DNM3: variants seen among roughly 807,000 people sequenced by gnomAD.
DNM3 encodes the protein dynamin 3.
A neutral mutation model predicts 101.6 loss-of-function variants in DNM3; 47 were observed. The ratio of observed to expected loss-of-function variants is 0.46; its 90% CI spans 0.37 to 0.59. The LOEUF (loss-of-function observed/expected upper bound fraction) is 0.59. Ranked by LOEUF, DNM3 falls within the 20% of genes least tolerant of loss-of-function variation. DNM3 has a pLI of 0.00. For synonymous variants in DNM3, 385 were observed against 387.9 expected, an observed-to-expected ratio of 0.99 and a Z score of 0.09; for missense variants, 849 against 1,085.7, an observed-to-expected ratio of 0.78 and a Z score of 3.06.
chr1:172,052,039 C>G (rs1458884515), intron 10 of DNM3, among the ~76,000 whole-genome samples: 1 of 152,158 alleles, frequency 6.6e-6, no homozygotes, highest in Non-Finnish European at 1.5e-5. Flanking sequence ...TTAGCAGCCT[C>G]CTGTGTTCTC....
chr1:172,059,125 C>G (rs1050454920), intron 10 of DNM3, among the ~76,000 whole-genome samples: 2 of 151,448 alleles, frequency 1.3e-5, no homozygotes, highest in Non-Finnish European at 3.0e-5. Flanking sequence ...GACACATACA[C>G]TCTCCCAAGA....
exon 21 of DNM3, chr1:172,418,436 T>C: frequency 3.7e-6 from 3 of 820,110 alleles, no homozygotes; most frequent in Non-Finnish European, 4.8e-6. Context: ...TCCATGTGTA[T>C]AATAAAAACA....
At chr1:171,877,911 TGTAA>T (rs527664421) in intron 1 of DNM3, among the ~76,000 whole-genome samples, 215 of 152,304 alleles carry the variant, frequency 1.4e-3, no homozygotes, top group African/African-American at 5.0e-3. Context: ...ATGAACAGGC[TGTAA>T]GTGAGAGTGG....
intron 15 of DNM3, among the ~76,000 whole-genome samples, chr1:172,287,173 C>T (rs1326676754): frequency 1.3e-5 from 2 of 152,172 alleles, no homozygotes; most frequent in African/African-American, 4.8e-5. Context: ...CTCATCACTC[C>T]CGCATTTTCT....
At chr1:172,309,106 A>G (rs1044352335) in intron 16 of DNM3, 2 of 357,844 alleles carry the variant, frequency 5.6e-6, no homozygotes, top group Non-Finnish European at 5.0e-6. Flanking sequence ...TCAGCTCAAG[A>G]CAAAGTTTGT....
chr1:172,074,244 G>A (rs1188002739), intron 11 of DNM3, among the ~76,000 whole-genome samples: 1 of 152,144 alleles, frequency 6.6e-6, no homozygotes, highest in Non-Finnish European at 1.5e-5. Flanking sequence ...CAGAGTGCTA[G>A]TTTAAATAGA....
At chr1:172,341,135 A>G (rs1387492703) in intron 17 of DNM3, among the ~76,000 whole-genome samples, 3 of 152,194 alleles carry the variant, frequency 2.0e-5, no homozygotes, top group Non-Finnish European at 4.4e-5. Flanking sequence ...TCCCATTCAC[A>G]GCTGCCACAA....
intron 14 of DNM3, among the ~76,000 whole-genome samples, chr1:172,190,787 T>C (rs1572887842): frequency 6.6e-6 from 1 of 152,218 alleles, no homozygotes; most frequent in African/African-American, 2.4e-5. Context: ...CATTTTTTCA[T>C]GTGTCTGTTG....
At chr1:172,011,720 G>T (rs541592053) in intron 4 of DNM3, among the ~76,000 whole-genome samples, 32 of 152,094 alleles carry the variant, frequency 2.1e-4, no homozygotes, top group Middle Eastern at 3.4e-3. Context: ...AGCCTTTTCA[G>T]TCTCTTCTTC....
intron 4 of DNM3, among the ~76,000 whole-genome samples, chr1:172,028,043 T>C (rs2048336614): frequency 6.6e-6 from 1 of 152,174 alleles, no homozygotes; most frequent in South Asian, 2.1e-4. Context: ...TATTCAAGAC[T>C]TGAATTCAGC....
At chr1:171,870,335 A>G (rs754217654) in intron 1 of DNM3, among the ~76,000 whole-genome samples, 2 of 152,178 alleles carry the variant, frequency 1.3e-5, no homozygotes, top group South Asian at 4.1e-4. Flanking sequence ...GACCAATTAC[A>G]GACTAATGCA....
intron 14 of DNM3, among the ~76,000 whole-genome samples, chr1:172,141,486 G>A (rs1272631138): frequency 2.0e-5 from 3 of 152,098 alleles, no homozygotes; most frequent in South Asian, 2.1e-4. Flanking sequence ...ATCCCTTACA[G>A]AGTAAGTGAA....
chr1:172,277,239 C>A (rs2254703), intron 15 of DNM3, among the ~76,000 whole-genome samples: 9,268 of 152,090 alleles, frequency 0.061, 357 homozygotes, highest in African/African-American at 0.099. Flanking sequence ...AGGACTCTAA[C>A]CAGCCTTAAC....
chr1:172,132,869 G>T, intron 14 of DNM3: 1 of 819,934 alleles, frequency 1.2e-6, no homozygotes, highest in Non-Finnish European at 2.1e-6. Context: ...TTTTCTACAG[G>T]ACTATTTTCC....
intron 16 of DNM3, among the ~76,000 whole-genome samples, chr1:172,318,673 C>G (rs2065525488): frequency 6.6e-6 from 1 of 152,138 alleles, no homozygotes; most frequent in African/African-American, 2.4e-5. Flanking sequence ...AGGAATCCAG[C>G]TTACAAGGGA....
chr1:172,191,131 G>A (rs1346083908), intron 14 of DNM3, among the ~76,000 whole-genome samples: 1 of 151,942 alleles, frequency 6.6e-6, no homozygotes, highest in African/African-American at 2.4e-5. Flanking sequence ...GTTTTTTTCT[G>A]GGGTTTTTAT....
At chr1:171,909,382 G>A (rs2421949) in intron 1 of DNM3, among the ~76,000 whole-genome samples, 17,499 of 150,562 alleles carry the variant, frequency 0.12, 1,192 homozygotes, top group South Asian at 0.23. Flanking sequence ...TCAGTGAGCC[G>A]CGCCGAGATT....
At chr1:172,344,196 T>C (rs2066825910) in intron 17 of DNM3, among the ~76,000 whole-genome samples, 1 of 152,222 alleles carries the variant, frequency 6.6e-6, no homozygotes, top group African/African-American at 2.4e-5. Flanking sequence ...TAATTATATT[T>C]TCATTGCGTT....
chr1:172,379,082 T>C lies in DNM3; in HGVS notation c.1958T>C (p.Val653Ala). ...FSMDPQLERQ[V>A]ETIRNLVDSY... ...ATGGACCCACAATTGGAGAGGCAAG[T>C]GGAGACCATTCGCAACCTCGTAGAC... Residue 653 changes from valine to alanine, a missense_variant, in exon 18 of 21, where the codon GTG (valine) becomes GCG (alanine). Around this residue, in one of 5 missense-constraint regions of DNM3, gnomAD observed 256 missense variants for 311.7 expected, o/e 0.82. Coordinates refer to ENST00000627582, the MANE Select transcript of DNM3 (RefSeq NM_015569.5). The C allele has an allele frequency of 6.2e-7, 1 of 1,612,464 alleles. No individual in the cohort carries two copies. Among genetic ancestry groups the C allele is most frequent in the Non-Finnish European group, 8.5e-7 (1 of 1,179,030 alleles).
Sources: allele counts gnomAD v4.1 joint callset (sites outside exome capture counted in the v4.1 genomes callset), GRCh38; gene constraint gnomAD v4.1.1; regional missense constraint gnomAD v4.1.1; transcripts MANE v1.5; gene names NCBI Gene and HGNC (gene_info 2026-07-23, HGNC 2026-07-21).